The following PTPRD variants were observed in gnomAD, a reference collection of about 807,000 sequenced individuals.
PTPRD encodes the protein receptor-type tyrosine-protein phosphatase delta.
PTPRD carries 34 observed loss-of-function variants against 214.5 expected under a neutral mutation model. The ratio of observed to expected loss-of-function variants is 0.16; its 90% confidence interval spans 0.12 to 0.21. PTPRD has a LOEUF of 0.21. PTPRD is among the 10% of genes least tolerant of loss of function. PTPRD has a pLI of 1.00. For missense variants in PTPRD, 2,545 were observed against 2,398.7 expected (o/e 1.06, Z -1.27); for synonymous variants, 1,128 against 845.7 (o/e 1.33, Z -5.79).
intron 7 of PTPRD, among the ~76,000 whole-genome samples, chr9:9,690,699 C>G (rs2154403446): frequency 6.6e-6 from 1 of 151,932 alleles, no homozygotes; most frequent in South Asian, 2.1e-4. Context: ...TCAGTTTTCC[C>G]AGCACATTTG....
intron 5 of PTPRD, among the ~76,000 whole-genome samples, chr9:9,783,058 G>A (rs1008360294): frequency 1.3e-5 from 2 of 151,956 alleles, no homozygotes; most frequent in South Asian, 2.1e-4. Flanking sequence ...TAATTATCTT[G>A]TTTAAATTCT....
chr9:10,348,186 C>A (rs1309662931), intron 2 of PTPRD, among the ~76,000 whole-genome samples: 1 of 152,162 alleles, frequency 6.6e-6, no homozygotes, highest in Non-Finnish European at 1.5e-5. Flanking sequence ...TCTCTCCTTC[C>A]CAGTTATCCT....
intron 4 of PTPRD, among the ~76,000 whole-genome samples, chr9:10,017,056 G>C (rs2096733018): frequency 6.6e-6 from 1 of 152,132 alleles, no homozygotes; most frequent in African/African-American, 2.4e-5. Context: ...ATATCAAATT[G>C]TTTTCCAAAC....
intron 7 of PTPRD, among the ~76,000 whole-genome samples, chr9:9,656,698 A>C (rs1315640696): frequency 6.6e-6 from 1 of 152,206 alleles, no homozygotes; most frequent in Non-Finnish European, 1.5e-5. Flanking sequence ...TGGTGGATAC[A>C]TCATTAAAAT....
chr9:9,866,324 T>A (rs1180297365), intron 5 of PTPRD, among the ~76,000 whole-genome samples: 2 of 152,180 alleles, frequency 1.3e-5, no homozygotes, highest in African/African-American at 4.8e-5. Flanking sequence ...CTTATTACAG[T>A]GTTATAGCTT....
At chr9:10,216,480 C>T (rs967252275) in intron 3 of PTPRD, among the ~76,000 whole-genome samples, 2 of 151,916 alleles carry the variant, frequency 1.3e-5, no homozygotes, top group Non-Finnish European at 2.9e-5. Context: ...CTATGGTTAA[C>T]TTATATGCTC....
At chr9:8,919,341 G>A (rs546019424) in intron 11 of PTPRD, among the ~76,000 whole-genome samples, 8 of 149,034 alleles carry the variant, frequency 5.4e-5, no homozygotes, top group African/African-American at 9.9e-5. Context: ...GCAGTGAGCC[G>A]AGGCTATGCC....
At position 10,310,411 on chromosome 9, in the gene PTPRD, G is replaced by A. The variant is rs552211331; in HGVS notation, c.-545+30552C>T. Reference sequence around the variant, plus strand: ...CTTATCAAAAGAAAAAAAATTCAACGTTATCATTATTAGTCATGCCTATTT... The same window carrying A: ...CTTATCAAAAGAAAAAAAATTCAACATTATCATTATTAGTCATGCCTATTT... On this transcript the variant is annotated intron_variant, in intron 3 of 45. Coordinates refer to ENST00000381196, the MANE Select transcript of PTPRD (RefSeq NM_002839.4). 3.0e-4 allele frequency among the ~76,000 whole-genome samples: 45 copies of A among 151,988 alleles called. No individual in the cohort carries two copies. In the Middle Eastern group the frequency reaches 0.037, roughly 126 times the overall value.
chr9:9,744,486 AT>A (rs2098438564), intron 6 of PTPRD, among the ~76,000 whole-genome samples: 1 of 152,122 alleles, frequency 6.6e-6, no homozygotes, highest in Non-Finnish European at 1.5e-5. Context: ...ACTTACCTCA[AT>A]TTAGTTCAAA....
chr9:10,410,537 G>T (rs977453317), intron 2 of PTPRD, among the ~76,000 whole-genome samples: 1 of 150,700 alleles, frequency 6.6e-6, no homozygotes, highest in Non-Finnish European at 1.5e-5. Flanking sequence ...CAAAATTTAG[G>T]GACATTGATA....
At chr9:9,941,592 G>A (rs1263095879) in intron 4 of PTPRD, among the ~76,000 whole-genome samples, 5 of 152,188 alleles carry the variant, frequency 3.3e-5, no homozygotes, top group African/African-American at 1.2e-4. Flanking sequence ...CAAAGTGCTA[G>A]GATTACTGGC....
At chr9:8,958,240 T>C (rs2099141778) in intron 11 of PTPRD, among the ~76,000 whole-genome samples, 1 of 151,890 alleles carries the variant, frequency 6.6e-6, no homozygotes, top group African/African-American at 2.4e-5. Context: ...CTTCTTTGTG[T>C]CCTGCTTGCC....
intron 12 of PTPRD, among the ~76,000 whole-genome samples, chr9:8,726,141 G>T (rs910610331): frequency 6.6e-6 from 1 of 151,954 alleles, no homozygotes; most frequent in Admixed American, 6.6e-5. Context: ...TAAAGAATTG[G>T]TTCTAAAATG....
chr9:8,638,629 C>A (rs1382650849), intron 12 of PTPRD, among the ~76,000 whole-genome samples: 1 of 151,966 alleles, frequency 6.6e-6, no homozygotes, highest in African/African-American at 2.4e-5. Context: ...AATGCTGGTC[C>A]TGGAGAATGA....
intron 3 of PTPRD, among the ~76,000 whole-genome samples, chr9:10,037,258 C>T (rs1257932546): frequency 6.6e-6 from 1 of 152,010 alleles, no homozygotes; most frequent in Admixed American, 6.6e-5. Context: ...AATCATAATC[C>T]TCAATGTTGG....
Position 8,633,386 on chromosome 9 carries a change from T to A in PTPRD, c.283A>T (p.Ile95Phe). Residue 95 changes from isoleucine to phenylalanine, a missense_variant, in exon 14 of 46, where the codon ATT (isoleucine) becomes TTT (phenylalanine). Ile to Phe is a conservative substitution (Grantham distance 21, BLOSUM62 0). Transcript: ENST00000381196. ...TTATTTGAGGCCACACATTCATAAA[T>A]GGCCTCATCCCTCGGAGTCCGTAAG... Reference protein sequence around the residue: ...QPLRTPRDEAIYECVASNNVG... With the variant: ...QPLRTPRDEAFYECVASNNVG... 6.2e-7 allele frequency: 1 copy of A among 1,612,942 alleles called. No individual in the cohort carries two copies. Among genetic ancestry groups the A allele is most frequent in the Non-Finnish European group, 8.5e-7 (1 of 1,179,160 alleles).
intron 9 of PTPRD, among the ~76,000 whole-genome samples, chr9:9,293,068 CGTTGGAAAGAA>C (rs1183615598): frequency 4.6e-5 from 7 of 151,482 alleles, no homozygotes; most frequent in African/African-American, 1.5e-4. Flanking sequence ...CTCACGTACA[CGTTGGAAAGAA>C]GTTACTGTGC....
chr9:10,191,840 T>C (rs762226615), intron 3 of PTPRD, among the ~76,000 whole-genome samples: 8 of 152,210 alleles, frequency 5.3e-5, no homozygotes, highest in Admixed American at 2.6e-4. Context: ...ATTTTTCTTT[T>C]CTTCTCTATA....
chr9:9,790,029 A>C (rs146017692), intron 5 of PTPRD, among the ~76,000 whole-genome samples: 1 of 152,182 alleles, frequency 6.6e-6, no homozygotes, highest in East Asian at 1.9e-4. Flanking sequence ...ACTTCATGGG[A>C]TCAAAGATGA....
Sources: gnomAD v4.1 joint callset for allele counts (sites outside exome capture counted in the v4.1 genomes callset) on GRCh38, gnomAD v4.1.1 for gene constraint, MANE v1.5 for transcripts, NCBI Gene and HGNC (gene_info 2026-07-23, HGNC 2026-07-21) for gene names.